The following APPL2 variants were observed in gnomAD, a reference collection of about 807,000 sequenced individuals.
The protein encoded by APPL2 is DCC-interacting protein 13-beta.
APPL2 carries 84 observed loss-of-function variants against 92.7 expected under a neutral mutation model. That is an observed-to-expected ratio of 0.91 (90% CI 0.76 to 1.09). The LOEUF (loss-of-function observed/expected upper bound fraction) is 1.09, where lower values mean the gene tolerates loss of function less well. APPL2 is among the 50% of genes least tolerant of loss of function. The pLI is 0.00. For missense variants in APPL2, 736 were observed against 824.5 expected (o/e 0.89, Z 1.31); for synonymous variants, 291 against 291.0 (o/e 1.00, Z 0.00).
At chr12:105,228,556 T>C (rs1890692836) in intron 2 of APPL2, among the ~76,000 whole-genome samples, 1 of 152,236 alleles carries the variant, frequency 6.6e-6, no homozygotes, top group African/African-American at 2.4e-5. Context: ...AACTCATAAA[T>C]CTTCTCTTAG....
chr12:105,226,387 G>A (rs1890505467), intron 2 of APPL2, among the ~76,000 whole-genome samples: 1 of 152,104 alleles, frequency 6.6e-6, no homozygotes, highest in East Asian at 1.9e-4. Context: ...GCAGGAGGAA[G>A]GGTTTCTGGC....
chr12:105,202,454 A>C (rs1253635333), intron 9 of APPL2, among the ~76,000 whole-genome samples: 3 of 152,218 alleles, frequency 2.0e-5, no homozygotes, highest in Non-Finnish European at 4.4e-5. Flanking sequence ...TCAGAAAATA[A>C]TCAGGTGTGT....
intron 8 of APPL2, among the ~76,000 whole-genome samples, chr12:105,204,649 T>C (rs945985626): frequency 6.6e-6 from 1 of 152,152 alleles, no homozygotes; most frequent in African/African-American, 2.4e-5. Context: ...TCATTTAATA[T>C]CATTAATTTG....
chr12:105,179,422 T>G (rs1421040262), intron 17 of APPL2, among the ~76,000 whole-genome samples: 1 of 152,248 alleles, frequency 6.6e-6, no homozygotes, highest in Non-Finnish European at 1.5e-5. Flanking sequence ...GTCTTAGCTA[T>G]TGTGAATAGT....
chr12:105,187,234 G>C (rs1408536097), intron 17 of APPL2, among the ~76,000 whole-genome samples: 1 of 152,210 alleles, frequency 6.6e-6, no homozygotes, highest in Non-Finnish European at 1.5e-5. Flanking sequence ...TAAATGAAAA[G>C]GATGGGCTTA....
chr12:105,208,378 G>A (rs1480691285), intron 5 of APPL2, among the ~76,000 whole-genome samples, 179 bp from the exon 6 acceptor site: 2 of 152,172 alleles, frequency 1.3e-5, no homozygotes, highest in South Asian at 2.1e-4. Context: ...GGAACATACG[G>A]CTTCAACCAT....
chr12:105,217,833 T>C, intron 2 of APPL2, 108 bp from the exon 3 acceptor site: 1 of 980,756 alleles, frequency 1.0e-6, no homozygotes, highest in Non-Finnish European at 1.6e-6. Flanking sequence ...CTGGGTCCAG[T>C]GGTGCACACC....
chr12:105,177,633 G>A (rs1885681387), intron 17 of APPL2, among the ~76,000 whole-genome samples: 1 of 152,160 alleles, frequency 6.6e-6, no homozygotes, highest in African/African-American at 2.4e-5. Flanking sequence ...TAATGTCCCT[G>A]AAGTGCAAGA....
Position 105,208,043 on chromosome 12 carries a change from G to C in APPL2, c.416-14C>G. The C allele has an allele frequency of 6.2e-7, 1 of 1,614,094 alleles. No homozygotes were observed. Among genetic ancestry groups the C allele is most frequent in the Non-Finnish European group, 8.5e-7 (1 of 1,180,002 alleles). ...AGAGGTCATGCTCTAAAAATAAACA[G>C]ACATCTGAACACCCAGGAGGGTCAG... is the stretch of plus-strand genomic sequence containing the variant. On this transcript the variant is annotated splice_polypyrimidine_tract_variant and intron_variant, in intron 6 of 20. Transcript: ENST00000258530.
intron 17 of APPL2, among the ~76,000 whole-genome samples, chr12:105,180,291 T>G (rs1365843159): frequency 6.6e-6 from 1 of 152,162 alleles, no homozygotes; most frequent in African/African-American, 2.4e-5. Flanking sequence ...GTTGTAGATG[T>G]TTGGTGTTAT....
intron 10 of APPL2, 23 bp from the exon 11 acceptor site, chr12:105,197,976 C>T (rs1887815366): frequency 6.2e-7 from 1 of 1,606,834 alleles, no homozygotes. Flanking sequence ...TTTTAAAAAG[C>T]CCATTAGTAC....
intron 20 of APPL2, among the ~76,000 whole-genome samples, 194 bp from the exon 21 acceptor site, chr12:105,174,642 G>A (rs1885316521): frequency 1.3e-5 from 2 of 152,084 alleles, no homozygotes; most frequent in African/African-American, 4.8e-5. Context: ...GTTTTCCTCT[G>A]AGCCAAAATA....
rs561366643 is a variant in APPL2 at position 105,209,367 on chromosome 12, G to A, written c.374-1168C>T. On this transcript the variant is annotated intron_variant, in intron 5 of 20. Coordinates refer to ENST00000258530, the MANE Select transcript of APPL2 (RefSeq NM_018171.5). ...TAACCTTTTTCAAAGATACTAAGAA[G>A]ATTCCTTCTTACTACTAACGAGCAG... Among the ~76,000 whole-genome samples the A allele has an allele frequency of 2.6e-5, 4 of 152,214 alleles. No individual in the cohort carries two copies. In the South Asian group the frequency reaches 8.3e-4, roughly 32 times the overall value.
At chr12:105,204,300 G>A (rs1248293594) in intron 8 of APPL2, among the ~76,000 whole-genome samples, 1 of 152,154 alleles carries the variant, frequency 6.6e-6, no homozygotes, top group Non-Finnish European at 1.5e-5. Flanking sequence ...GTGAGCAAGG[G>A]TATTCTCTCA....
chr12:105,226,773 C>T (rs1481785747), intron 2 of APPL2, among the ~76,000 whole-genome samples: 1 of 152,110 alleles, frequency 6.6e-6, no homozygotes, highest in African/African-American at 2.4e-5. Context: ...CAAAAATTGA[C>T]GAAGTTCTCA....
intron 20 of APPL2, among the ~76,000 whole-genome samples, chr12:105,174,939 A>C (rs1885381991): frequency 6.8e-6 from 1 of 147,242 alleles, no homozygotes; most frequent in African/African-American, 2.5e-5. Context: ...GCTGGAGAGC[A>C]GTGGTATGAT....
At chr12:105,202,499 A>G (rs1466625997) in intron 9 of APPL2, among the ~76,000 whole-genome samples, 1 of 152,254 alleles carries the variant, frequency 6.6e-6, no homozygotes, top group African/African-American at 2.4e-5. Flanking sequence ...TCTTCCAGAA[A>G]CACAGAAGTG....
intron 1 of APPL2, 113 bp from the exon 2 acceptor site, chr12:105,229,336 G>A (rs1890751623): frequency 4.0e-6 from 4 of 1,003,640 alleles, no homozygotes; most frequent in Non-Finnish European, 5.8e-6. Context: ...GGAAAGAAAG[G>A]TACCTGTTGG....
chr12:105,208,060 G>A (rs1448044421), intron 6 of APPL2, 31 bp from the exon 7 acceptor site: 5 of 1,613,646 alleles, frequency 3.1e-6, no homozygotes, highest in Non-Finnish European at 4.2e-6. Context: ...GAACACCCAG[G>A]AGGGTCAGGG....
Sources: allele counts gnomAD v4.1 joint callset (sites outside exome capture counted in the v4.1 genomes callset), GRCh38; gene constraint gnomAD v4.1.1; transcripts MANE v1.5; gene names NCBI Gene and HGNC (gene_info 2026-07-23, HGNC 2026-07-21).